Variants in DLG2 observed in about 807,000 individuals in gnomAD.
DLG2 encodes the protein disks large homolog 2.
DLG2 carries 45 observed loss-of-function variants against 132.5 expected under a neutral mutation model. The ratio of observed to expected loss-of-function variants is 0.34; its 90% CI spans 0.27 to 0.44. The LOEUF is 0.44. Ranked by LOEUF, DLG2 falls within the 20% of genes least tolerant of loss-of-function variation. The pLI is 1.00. For missense variants in DLG2, 1,045 were observed against 1,196.9 expected, an observed-to-expected ratio of 0.87 and a Z score of 1.87; for synonymous variants, 424 against 419.6, an observed-to-expected ratio of 1.01 and a Z score of -0.13.
chr11:85,033,459 A>T (rs1462245228), intron 6 of DLG2, among the ~76,000 whole-genome samples: 1 of 152,152 alleles, frequency 6.6e-6, no homozygotes, highest in African/African-American at 2.4e-5. Context: ...ACTTCATAAA[A>T]ATTTGAACTT....
chr11:83,768,320 T>A (rs866911082), intron 18 of DLG2, among the ~76,000 whole-genome samples: 12 of 152,232 alleles, frequency 7.9e-5, no homozygotes, highest in Non-Finnish European at 1.3e-4. Context: ...CATCTGTACC[T>A]TCTACATTAG....
intron 15 of DLG2, among the ~76,000 whole-genome samples, chr11:83,885,902 A>G (rs1052604628): frequency 5.9e-5 from 9 of 152,274 alleles, no homozygotes; most frequent in Non-Finnish European, 1.0e-4. Flanking sequence ...AAATGCTGAG[A>G]TATTTTGTCA....
intron 16 of DLG2, among the ~76,000 whole-genome samples, chr11:83,836,660 G>T (rs1565274153): frequency 6.6e-6 from 1 of 152,162 alleles, no homozygotes; most frequent in Non-Finnish European, 1.5e-5. Context: ...TTAACTGTGG[G>T]AGTAACACCA....
At chr11:83,702,971 A>G (rs1211488896) in intron 18 of DLG2, among the ~76,000 whole-genome samples, 2 of 152,366 alleles carry the variant, frequency 1.3e-5, no homozygotes, top group East Asian at 3.9e-4. Flanking sequence ...TGTAAATGAC[A>G]ATATAATGAC....
intron 18 of DLG2, among the ~76,000 whole-genome samples, chr11:83,746,341 T>C (rs2092909879): frequency 6.6e-6 from 1 of 152,078 alleles, no homozygotes; most frequent in South Asian, 2.1e-4. Context: ...TGTCCAACAA[T>C]GATAGACTGG....
At position 85,229,183 on chromosome 11, in the gene DLG2, ACAGTATTTTT is replaced by A. The variant is rs1183335207; in HGVS notation, c.186+56027_186+56036del. ...TATACATATCCTATAGATCAACAAC[ACAGTATTTTT>A]TTTTTACTTTAAAGAGTCAGCTGTC... On this transcript the variant is annotated intron_variant, in intron 4 of 27. Coordinates refer to ENST00000376104, the MANE Select transcript of DLG2 (RefSeq NM_001142699.3). Among the ~76,000 whole-genome samples the A allele has an allele frequency of 2.1e-4, 15 of 71,752 alleles. 1 individual carries two copies. Among genetic ancestry groups the A allele is most frequent in the African/African-American group, 6.2e-4 (15 of 24,300 alleles). The allele number at this position is 71,752 out of a possible 152,430, so 47.1% of individuals were successfully genotyped here.
chr11:84,186,952 C>G (rs1796340084), intron 8 of DLG2, among the ~76,000 whole-genome samples: 1 of 151,800 alleles, frequency 6.6e-6, no homozygotes, highest in South Asian at 2.1e-4. Flanking sequence ...TATGTATGCA[C>G]CCCTCAGTTG....
At chr11:84,545,342 C>T (rs574775700) in intron 6 of DLG2, 1 of 519,634 alleles carries the variant, frequency 1.9e-6, no homozygotes, top group East Asian at 4.9e-5. Context: ...AAACTGCTTC[C>T]ATCATTTACA....
intron 21 of DLG2, among the ~76,000 whole-genome samples, chr11:83,513,605 T>C (rs1043842155): frequency 6.6e-6 from 1 of 152,232 alleles, no homozygotes; most frequent in Admixed American, 6.5e-5. Flanking sequence ...TCCTTGCCCA[T>C]GCCTATGTCC....
chr11:85,426,573 G>A lies in DLG2; in HGVS notation c.41-141208C>T, dbSNP rs2090758854. Among the ~76,000 whole-genome samples the A allele has an allele frequency of 3.0e-5, 4 of 132,638 alleles. No individual in the cohort carries two copies. In the South Asian group the frequency reaches 1.0e-3, roughly 33 times the overall value. 87.0% of individuals were successfully genotyped at this position (132,638 alleles called of 152,430 possible). ...AGACCTGCAGCTGAGGGTCCTGATT[G>A]TTAGAAGGAAAACTAACAAACAGAA... is the stretch of plus-strand genomic sequence containing the variant. On this transcript the variant is annotated intron_variant, in intron 3 of 27. Coordinates refer to ENST00000376104, the MANE Select transcript of DLG2 (RefSeq NM_001142699.3).
At chr11:84,064,066 A>T (rs1037696925) in intron 10 of DLG2, among the ~76,000 whole-genome samples, 1 of 152,176 alleles carries the variant, frequency 6.6e-6, no homozygotes, top group East Asian at 1.9e-4. Flanking sequence ...TACATGTGTA[A>T]CAAACCTGCA....
chr11:84,927,194 C>T (rs2047490413), intron 6 of DLG2, among the ~76,000 whole-genome samples: 1 of 151,938 alleles, frequency 6.6e-6, no homozygotes, highest in Admixed American at 6.6e-5. Flanking sequence ...AATACAATAA[C>T]AGCAACACCC....
At chr11:84,089,239 G>A (rs545859950) in intron 10 of DLG2, among the ~76,000 whole-genome samples, 2 of 152,144 alleles carry the variant, frequency 1.3e-5, no homozygotes, top group African/African-American at 4.8e-5. Flanking sequence ...ATGCCTGGAA[G>A]TTACTCCCTT....
chr11:85,477,448 C>A (rs1295800893), intron 3 of DLG2, among the ~76,000 whole-genome samples: 1 of 152,104 alleles, frequency 6.6e-6, no homozygotes, highest in African/African-American at 2.4e-5. Context: ...ATGAACTTGA[C>A]CATAGGTAAT....
intron 6 of DLG2, among the ~76,000 whole-genome samples, chr11:84,878,866 A>G (rs1435326789): frequency 6.6e-6 from 1 of 152,170 alleles, no homozygotes; most frequent in Non-Finnish European, 1.5e-5. Context: ...TTTTTGAAAG[A>G]TGGTTTCACC....
chr11:84,624,354 GATA>G (rs1160373347), intron 6 of DLG2, among the ~76,000 whole-genome samples: 4 of 152,012 alleles, frequency 2.6e-5, no homozygotes, highest in Non-Finnish European at 5.9e-5. Context: ...TCTAAAATGG[GATA>G]ATAACACTTT....
intron 14 of DLG2, 86 bp from the exon 15 acceptor site, chr11:83,930,569 A>T: frequency 7.4e-7 from 1 of 1,343,694 alleles, no homozygotes; most frequent in South Asian, 1.5e-5. Context: ...CAGCATGTGC[A>T]AAAGTAAAAA....
At chr11:83,755,223 CT>C (rs1046789320) in intron 18 of DLG2, among the ~76,000 whole-genome samples, 2 of 151,080 alleles carry the variant, frequency 1.3e-5, no homozygotes, top group African/African-American at 4.9e-5. Flanking sequence ...AAGTTAATAT[CT>C]TTTAAATTAC....
At chr11:83,921,599 C>T (rs531464678) in intron 15 of DLG2, among the ~76,000 whole-genome samples, 5 of 152,234 alleles carry the variant, frequency 3.3e-5, no homozygotes, top group African/African-American at 9.6e-5. Context: ...TATGGTTTAA[C>T]GTTACTATCT....
Sources: gnomAD v4.1 joint callset for allele counts (sites outside exome capture counted in the v4.1 genomes callset) on GRCh38, gnomAD v4.1.1 for gene constraint, MANE v1.5 for transcripts, NCBI Gene and HGNC (gene_info 2026-07-23, HGNC 2026-07-21) for gene names.